The following IRAG2 variants were observed in gnomAD, a reference collection of about 807,000 sequenced individuals.
IRAG2 encodes the protein inositol 1,4,5-triphosphate receptor associated 2.
In IRAG2, 45 loss-of-function variants were observed where a neutral mutation model predicts 69.9. The ratio of observed to expected loss-of-function variants is 0.64; its 90% CI spans 0.51 to 0.83. The LOEUF is 0.83. Ranked by LOEUF, IRAG2 falls within the 40% of genes least tolerant of loss-of-function variation. The pLI, the probability that IRAG2 is intolerant of heterozygous loss-of-function variation, is 0.00. For missense variants in IRAG2, 520 were observed against 587.0 expected, an observed-to-expected ratio of 0.89 and a Z score of 1.18; for synonymous variants, 193 against 202.4, an observed-to-expected ratio of 0.95 and a Z score of 0.40.
chr12:25,099,682 T>G lies in IRAG2; in HGVS notation c.742-1496T>G, dbSNP rs111310303. On this transcript the variant is annotated intron_variant, in intron 15 of 21. Coordinates refer to ENST00000556887, the MANE Select transcript of IRAG2 (RefSeq NM_001366544.2). ...CTAAAGCTCCTCAGTTTACTTGGGG[T>G]AAAACCCAATGTCTTACTGTGGTTT... Among the ~76,000 whole-genome samples the G allele has an allele frequency of 8.2e-3, 1,244 of 152,168 alleles. 17 individuals carry two copies. Among genetic ancestry groups the G allele is most frequent in the African/African-American group, 0.028 (1,179 of 41,488 alleles).
chr12:25,015,116 A>AAT, intron 3 of IRAG2: 1 of 412,004 alleles, frequency 2.4e-6, no homozygotes, highest in Non-Finnish European at 3.4e-6. Flanking sequence ...AAAAAAAGAC[A>AAT]AAACTTGGTC....
upstream of IRAG2, among the ~76,000 whole-genome samples, chr12:25,000,139 G>A (rs1212199655): frequency 6.6e-6 from 1 of 152,188 alleles, no homozygotes; most frequent in African/African-American, 2.4e-5. Flanking sequence ...TGTCTAAAGG[G>A]ATGGATATTA....
At chr12:25,030,687 T>TA (rs1944662083) in intron 10 of IRAG2, among the ~76,000 whole-genome samples, 2 of 152,134 alleles carry the variant, frequency 1.3e-5, no homozygotes, top group African/African-American at 2.4e-5. Context: ...GCACCCAGCC[T>TA]AAAAAATCTG....
At chr12:25,008,235 G>C (rs1944447867) in intron 2 of IRAG2, among the ~76,000 whole-genome samples, 1 of 152,064 alleles carries the variant, frequency 6.6e-6, no homozygotes, top group South Asian at 2.1e-4. Flanking sequence ...GAACTATTTT[G>C]CTATACTGGT....
At chr12:25,015,126 CA>C in intron 3 of IRAG2, 1 of 403,504 alleles carries the variant, frequency 2.5e-6, no homozygotes. Flanking sequence ...AAAACTTGGT[CA>C]GGCAAAGAAT....
intron 11 of IRAG2, 102 bp downstream of exon 11, chr12:25,088,259 G>A: frequency 1.1e-6 from 1 of 922,572 alleles, no homozygotes; most frequent in Non-Finnish European, 1.7e-6. Context: ...TACAAATTCT[G>A]CATCTCTGGA....
chr12:25,026,168 C>T (rs1466693634), intron 8 of IRAG2, among the ~76,000 whole-genome samples: 1 of 152,136 alleles, frequency 6.6e-6, no homozygotes, highest in African/African-American at 2.4e-5. Context: ...CATAGTTTGC[C>T]ACCCCCTGAT....
chr12:25,039,621 G>A (rs553946156), intron 16 of IRAG2, among the ~76,000 whole-genome samples: 3 of 152,202 alleles, frequency 2.0e-5, no homozygotes, highest in South Asian at 2.1e-4. Context: ...TAGTAGAGAC[G>A]GGGTTTCACC....
chr12:25,037,558 C>G (rs1474671601), intron 15 of IRAG2, among the ~76,000 whole-genome samples: 1 of 152,156 alleles, frequency 6.6e-6, no homozygotes, highest in Non-Finnish European at 1.5e-5. Context: ...CTCAGCCCCC[C>G]AAAGTGCTGG....
chr12:25,074,481 C>G (rs10842459), intron 6 of IRAG2, among the ~76,000 whole-genome samples: 48,744 of 152,040 alleles, frequency 0.32, 8,408 homozygotes, highest in East Asian at 0.66. Flanking sequence ...GTTGGTTTCA[C>G]GACTCATGTC....
intron 9 of IRAG2, among the ~76,000 whole-genome samples, chr12:25,081,285 G>A (rs1243084850): frequency 1.3e-5 from 2 of 152,000 alleles, no homozygotes; most frequent in South Asian, 2.1e-4. Context: ...TAACACGGTG[G>A]AACCCCGTCT....
chr12:25,101,642 C>T (rs10505959), intron 16 of IRAG2, among the ~76,000 whole-genome samples: 27,788 of 152,062 alleles, frequency 0.18, 2,686 homozygotes, highest in Middle Eastern at 0.25. Flanking sequence ...TTTCTCCACA[C>T]GTAAAAAGTA....
At chr12:24,999,479 A>G (rs1469262379), upstream of IRAG2, among the ~76,000 whole-genome samples, 1 of 152,222 alleles carries the variant, frequency 6.6e-6, no homozygotes, top group Non-Finnish European at 1.5e-5. Flanking sequence ...CAGAGCAATG[A>G]AGCATAGTTC....
chr12:25,100,007 A>AAAAAAAAAAAAAAAC, intron 15 of IRAG2, among the ~76,000 whole-genome samples: 1 of 147,580 alleles, frequency 6.8e-6, no homozygotes, highest in African/African-American at 2.5e-5. Context: ...TCTGAAAAAA[A>AAAAAAAAAAAAAAAC]AAAAAAAAAA....
At chr12:25,077,405 A>AT (rs1592024612) in intron 6 of IRAG2, among the ~76,000 whole-genome samples, 2 of 49,398 alleles carry the variant, frequency 4.0e-5, no homozygotes, top group African/African-American at 6.8e-5. Context: ...AAATATATAT[A>AT]CACATAATAG....
intron 15 of IRAG2, among the ~76,000 whole-genome samples, chr12:25,100,172 G>A (rs1362794537): frequency 6.6e-6 from 1 of 151,936 alleles, no homozygotes; most frequent in Non-Finnish European, 1.5e-5. Flanking sequence ...CACGAGGATG[G>A]CTATGGTGAA....
At chr12:25,053,431 A>G (rs2139892180) in intron 1 of IRAG2, among the ~76,000 whole-genome samples, 1 of 152,148 alleles carries the variant, frequency 6.6e-6, no homozygotes, top group Non-Finnish European at 1.5e-5. Context: ...ATATCAAAAT[A>G]TCAAATGTGT....
chr12:25,106,592 T>C (rs1833693148), intron 20 of IRAG2, among the ~76,000 whole-genome samples: 1 of 145,326 alleles, frequency 6.9e-6, no homozygotes, highest in Admixed American at 6.9e-5. Flanking sequence ...TTCATAGTAA[T>C]AACATTGGTT....
At chr12:25,008,116 G>A (rs1321705822) in intron 2 of IRAG2, among the ~76,000 whole-genome samples, 1 of 152,084 alleles carries the variant, frequency 6.6e-6, no homozygotes, top group Non-Finnish European at 1.5e-5. Flanking sequence ...TGATGATGAA[G>A]GCCTAGACCT....
Sources: allele counts gnomAD v4.1 joint callset (sites outside exome capture counted in the v4.1 genomes callset), GRCh38; gene constraint gnomAD v4.1.1; transcripts MANE v1.5; gene names NCBI Gene and HGNC (gene_info 2026-07-23, HGNC 2026-07-21).